The following GSTO2 variants were observed in gnomAD, a reference collection of about 807,000 sequenced individuals.
GSTO2 encodes glutathione S-transferase omega 2.
Under a neutral mutation model 28.4 loss-of-function variants are expected in GSTO2, and 23 were observed. That is an observed-to-expected ratio of 0.81 (90% CI 0.58 to 1.15). The LOEUF is 1.15. Ranked by LOEUF, GSTO2 falls within the 50% of genes most tolerant of loss-of-function variation. GSTO2 has a pLI of 0.00. For synonymous variants in GSTO2, 109 were observed against 111.0 expected, an observed-to-expected ratio of 0.98 and a Z score of 0.11; for missense variants, 298 against 297.8, an observed-to-expected ratio of 1.00 and a Z score of 0.00.
Position 104,276,161 on chromosome 10 carries a change from T to A in GSTO2, c.143+827T>A, listed in dbSNP as rs201798858. On this transcript the variant is annotated intron_variant, in intron 3 of 6. Coordinates refer to ENST00000338595, the MANE Select transcript of GSTO2 (RefSeq NM_183239.2). ...ATCACAAGGGGGTGACTTCAGAGTT[T>A]CAGACTCATGTCAGAGAGATACAAA... 9.8e-5 allele frequency among the ~76,000 whole-genome samples: 15 copies of A among 152,350 alleles called. No individual in the cohort carries two copies. The East Asian group carries it at 2.9e-3, about 29-fold the overall frequency.
chr10:104,289,078 A>G (rs2012623432), intron 5 of GSTO2, among the ~76,000 whole-genome samples: 1 of 152,014 alleles, frequency 6.6e-6, no homozygotes, highest in Admixed American at 6.6e-5. Context: ...TATCTTACAA[A>G]TATATTGTGA....
chr10:104,303,259 T>C lies in GSTO2; in HGVS notation c.*3975T>C, dbSNP rs2013312442. ...TTTAGAATTTTCTAGAGACTGGTTG[T>C]ATGGTTGTGACCAAAATGCCAGTAG... On this transcript the variant is annotated 3_prime_UTR_variant, in exon 7 of 7. Transcript: ENST00000338595. 3 of 152,194 alleles carry C rather than the reference T, an allele frequency of 2.0e-5. No homozygotes were observed. Among genetic ancestry groups the C allele is most frequent in the Admixed American group, 2.0e-4 (3 of 15,272 alleles). 9.4% of individuals were successfully genotyped at this position (152,194 alleles called of 1,614,324 possible).
chr10:104,274,685 C>T lies in GSTO2; in HGVS notation c.-231C>T. On this transcript the variant is annotated splice_region_variant and 5_prime_UTR_variant, in exon 2 of 7. Transcript: ENST00000338595. Reference sequence around the variant, plus strand: ...TTTGTCTTGTTTTGTTTTTTGCCAGCTCCTACTCTCGGGCTTCCAAATCTG... The same window carrying T: ...TTTGTCTTGTTTTGTTTTTTGCCAGTTCCTACTCTCGGGCTTCCAAATCTG... 1 of 583,394 alleles carries T rather than the reference C, an allele frequency of 1.7e-6. No individual in the cohort carries two copies. The highest frequency in any genetic ancestry group is 3.0e-6 in the Non-Finnish European group (1 of 332,952). 36.1% of individuals were successfully genotyped at this position (583,394 alleles called of 1,614,324 possible). A position where few individuals can be genotyped will look rare whatever the true frequency, so the allele number is the denominator to read the frequency against.
chr10:104,281,913 G>A (rs2012070615), intron 5 of GSTO2, among the ~76,000 whole-genome samples: 1 of 152,070 alleles, frequency 6.6e-6, no homozygotes, highest in Non-Finnish European at 1.5e-5. Flanking sequence ...GAGGCACAAG[G>A]GTGAGAGCCT....
intron 5 of GSTO2, among the ~76,000 whole-genome samples, chr10:104,281,873 A>G (rs2012067826): frequency 6.6e-6 from 1 of 152,122 alleles, no homozygotes; most frequent in Admixed American, 6.5e-5. Context: ...GGGGGTAGAT[A>G]ATGCCTCTGT....
At chr10:104,284,418 CCA>C (rs1180978056) in intron 5 of GSTO2, among the ~76,000 whole-genome samples, 3 of 152,150 alleles carry the variant, frequency 2.0e-5, no homozygotes, top group African/African-American at 7.2e-5. Flanking sequence ...TGTTATATAA[CCA>C]CATTTTTCTC....
intron 5 of GSTO2, chr10:104,296,396 G>A (rs1324762174): frequency 1.3e-5 from 2 of 152,086 alleles, no homozygotes; most frequent in African/African-American, 2.4e-5. Context: ...GCCAAGACAG[G>A]AGGATCCCTT....
intron 6 of GSTO2, 55 bp downstream of exon 6, chr10:104,297,739 G>A: frequency 1.6e-6 from 2 of 1,220,548 alleles, no homozygotes; most frequent in East Asian, 4.7e-5. Context: ...GAGTAACAAT[G>A]GTTAAGATGG....
At chr10:104,277,470 G>A (rs1262449388) in intron 3 of GSTO2, among the ~76,000 whole-genome samples, 2 of 152,088 alleles carry the variant, frequency 1.3e-5, no homozygotes, top group Non-Finnish European at 2.9e-5. Flanking sequence ...TTTTTTAGTA[G>A]AGATGGGGTT....
At chr10:104,297,403 A>G in intron 5 of GSTO2, 175 bp from the exon 6 acceptor site, 1 of 490,602 alleles carries the variant, frequency 2.0e-6, no homozygotes, top group Non-Finnish European at 3.8e-6. Context: ...TGTGACCCTA[A>G]AAGAGGCAGA....
chr10:104,293,904 A>G (rs2012904412), intron 5 of GSTO2, among the ~76,000 whole-genome samples: 1 of 152,194 alleles, frequency 6.6e-6, no homozygotes, highest in Non-Finnish European at 1.5e-5. Flanking sequence ...AAAATGTGAT[A>G]TGCGTGTTAG....
At chr10:104,275,020 G>T in intron 2 of GSTO2, 71 bp downstream of exon 2, 1 of 1,546,370 alleles carries the variant, frequency 6.5e-7, no homozygotes, top group South Asian at 1.2e-5. Flanking sequence ...CGGCGGAGCT[G>T]CCTGGCCTTG....
chr10:104,274,545 T>C (rs1374985495), intron 1 of GSTO2, 140 bp from the exon 2 acceptor site: 4 of 339,484 alleles, frequency 1.2e-5, no homozygotes, highest in Non-Finnish European at 1.6e-5. Context: ...TTAAACTCCT[T>C]TGAAATCCAT....
chr10:104,299,678 A>C lies in GSTO2; in HGVS notation c.*394A>C, dbSNP rs984213875. ...AATGTTGTTGAGACAGGGTCTCACT[A>C]TGTTGCTCAGGCTGGTCTCCATCTC... is the stretch of plus-strand genomic sequence containing the variant. On this transcript the variant is annotated 3_prime_UTR_variant, in exon 7 of 7. Transcript: ENST00000338595. 7 of 220,880 alleles carry C rather than the reference A, an allele frequency of 3.2e-5. No homozygotes were observed. Among genetic ancestry groups the C allele is most frequent in the Non-Finnish European group, 6.3e-5 (7 of 111,570 alleles). The allele number at this position is 220,880 out of a possible 1,614,324, so 13.7% of individuals were successfully genotyped here. A position where few individuals can be genotyped will look rare whatever the true frequency, so the allele number is the denominator to read the frequency against.
chr10:104,293,203 A>G (rs757647100), intron 5 of GSTO2, among the ~76,000 whole-genome samples: 1 of 152,222 alleles, frequency 6.6e-6, no homozygotes, highest in Non-Finnish European at 1.5e-5. Context: ...TTCTTTTCAC[A>G]GAGAAGCTCA....
intron 5 of GSTO2, among the ~76,000 whole-genome samples, chr10:104,287,515 A>G (rs1384182799): frequency 6.6e-6 from 1 of 152,262 alleles, no homozygotes; most frequent in Non-Finnish European, 1.5e-5. Context: ...GGAACGGCTG[A>G]AAATGAATGA....
chr10:104,276,363 T>C (rs1296832563), intron 3 of GSTO2, among the ~76,000 whole-genome samples: 1 of 152,252 alleles, frequency 6.6e-6, no homozygotes, highest in Non-Finnish European at 1.5e-5. Flanking sequence ...AATTATCAGC[T>C]TAGGAGCTGA....
chr10:104,283,283 T>C (rs185813347), intron 5 of GSTO2, among the ~76,000 whole-genome samples: 2 of 152,344 alleles, frequency 1.3e-5, no homozygotes, highest in African/African-American at 4.8e-5. Context: ...GTACTCCACA[T>C]TGTCCTAACA....
At position 104,275,307 on chromosome 10, in the gene GSTO2, G is replaced by A. The variant is rs1286318650; in HGVS notation, c.116G>A (p.Arg39His). 3.1e-6 allele frequency: 5 copies of A among 1,613,848 alleles called. No individual in the cohort carries two copies. The African/African-American group carries it at 4.0e-5, about 13-fold the overall frequency. Reference protein sequence around the residue: ...MRFCPYSHRTRLVLKAKDIRH... With the variant: ...MRFCPYSHRTHLVLKAKDIRH... ...TTCTGCCCCTATTCTCACAGGACCC[G>A]CCTCGTCCTCAAGGCCAAAGACATC... The change falls in exon 3 of 7, where the codon CGC (arginine) becomes CAC (histidine). Residue 39 changes from arginine (R) to histidine (H), a missense_variant. Physicochemically the swap from Arg to His is conservative, Grantham distance 29. Coordinates refer to ENST00000338595, the MANE Select transcript of GSTO2 (RefSeq NM_183239.2).
Sources: gnomAD v4.1 joint callset for allele counts (sites outside exome capture counted in the v4.1 genomes callset) on GRCh38, gnomAD v4.1.1 for gene constraint, MANE v1.5 for transcripts, NCBI Gene and HGNC (gene_info 2026-07-23, HGNC 2026-07-21) for gene names.